FNTB: variants seen among roughly 807,000 people sequenced by gnomAD.
The protein encoded by FNTB is protein farnesyltransferase subunit beta.
Under a neutral mutation model 59.4 loss-of-function variants are expected in FNTB, and 27 were observed. The ratio of observed to expected loss-of-function variants is 0.45; its 90% CI spans 0.34 to 0.63. The LOEUF is 0.63. Ranked by LOEUF, FNTB falls within the 20% of genes least tolerant of loss-of-function variation. The pLI is 0.02. For synonymous variants in FNTB, 230 were observed against 220.7 expected (o/e 1.04, Z -0.37); for missense variants, 449 against 559.6 (o/e 0.80, Z 1.99).
chr14:65,056,257 C>A (rs1029561332), intron 11 of FNTB, among the ~76,000 whole-genome samples: 1 of 152,186 alleles, frequency 6.6e-6, no homozygotes, highest in African/African-American at 2.4e-5. Context: ...TTCATTTTAA[C>A]TATTATATGA....
chr14:65,023,871 C>T lies in FNTB; in HGVS notation c.375-3582C>T, dbSNP rs1192104939. Among the ~76,000 whole-genome samples the T allele has an allele frequency of 1.3e-5, 2 of 152,012 alleles. No individual in the cohort carries two copies. The highest frequency in any genetic ancestry group is 1.9e-4 in the East Asian group (1 of 5,186). On this transcript the variant is annotated intron_variant, in intron 4 of 11. Transcript: ENST00000246166. The surrounding 1 kb of genome is among the most constrained non-coding windows in gnomAD (Gnocchi z 4.1). The stretch of plus-strand genomic sequence containing the variant: ...ATCCTAGCACTTTGGGAGGCCAAGG[C>T]GGGCGGATTGTCTGAGCTCGGGAGT...
chr14:65,032,489 G>C lies in FNTB; in HGVS notation c.606-121G>C. 1 of 1,006,340 alleles carries C rather than the reference G, an allele frequency of 9.9e-7. No individual in the cohort carries two copies. The highest frequency in any genetic ancestry group is 1.4e-6 in the Non-Finnish European group (1 of 709,384). 62.3% of individuals were successfully genotyped at this position (1,006,340 alleles called of 1,614,324 possible). A position where few individuals can be genotyped will look rare whatever the true frequency, so the allele number is the denominator to read the frequency against. On this transcript the variant is annotated intron_variant, in intron 6 of 11. Transcript: ENST00000246166. The surrounding 1 kb of genome is among the most constrained non-coding windows in gnomAD (Gnocchi z 5.0). ...CCCAGGAGGACTGACCGTGTGCCAA[G>C]AGTGAGGACAGGAGGTGATTACAGC...
In FNTB at chr14:65,045,711, C is replaced by T. The variant is rs146382568; in HGVS notation, c.955+1268C>T. Among the ~76,000 whole-genome samples, 593 of 151,778 alleles carry T rather than the reference C, an allele frequency of 3.9e-3. 4 individuals are homozygous for T. The highest frequency in any genetic ancestry group is 0.021 in the South Asian group (102 of 4,804). On this transcript the variant is annotated intron_variant, in intron 9 of 11. Coordinates refer to ENST00000246166, the MANE Select transcript of FNTB (RefSeq NM_002028.4). The stretch of plus-strand genomic sequence containing the variant: ...GATTATAGGCGTGAGCCACCGCACC[C>T]GGCCCTGAGCCTCATTATTTAGTTT...
At chr14:65,052,374 A>C (rs1022228435) in intron 9 of FNTB, among the ~76,000 whole-genome samples, 2 of 152,204 alleles carry the variant, frequency 1.3e-5, no homozygotes, top group Admixed American at 1.3e-4. Flanking sequence ...ATTGTTGGGC[A>C]TCTTTTTTTT....
In FNTB at chr14:65,032,518, C is replaced by A; in HGVS notation, c.606-92C>A. On this transcript the variant is annotated intron_variant, in intron 6 of 11. Transcript: ENST00000246166. The surrounding 1 kb of genome is among the most constrained non-coding windows in gnomAD (Gnocchi z 5.0). ...GAGGACAGGAGGTGATTACAGCTTA[C>A]TAGGCAAGGCGAGCAGTCCGCCCGC... The A allele has an allele frequency of 1.4e-6, 2 of 1,412,116 alleles. No individual in the cohort carries two copies. Among genetic ancestry groups the A allele is most frequent in the Admixed American group, 2.1e-5 (1 of 48,400 alleles). 87.5% of individuals were successfully genotyped at this position (1,412,116 alleles called of 1,614,324 possible). A position where few individuals can be genotyped will look rare whatever the true frequency, so the allele number is the denominator to read the frequency against.
At chr14:65,024,081 G>A (rs1486097737) in intron 4 of FNTB, among the ~76,000 whole-genome samples, 2 of 149,960 alleles carry the variant, frequency 1.3e-5, no homozygotes, top group Non-Finnish European at 3.0e-5. Context: ...CAGCCTGGGC[G>A]ACAGAGGGAC....
chr14:65,006,173 TGCCA>T, intron 2 of FNTB: 1 of 1,598,434 alleles, frequency 6.3e-7, no homozygotes, highest in Non-Finnish European at 8.5e-7. Flanking sequence ...TTTTTTTTTT[TGCCA>T]CCATTTCCTT....
intron 1 of FNTB, among the ~76,000 whole-genome samples, chr14:64,998,372 G>T (rs1444294825): frequency 1.3e-5 from 2 of 152,192 alleles, no homozygotes; most frequent in African/African-American, 4.8e-5. Flanking sequence ...AGGAGGTAAA[G>T]GAAGACAAAG....
At chr14:64,993,878 A>G (rs574778796) in intron 1 of FNTB, among the ~76,000 whole-genome samples, 3 of 150,424 alleles carry the variant, frequency 2.0e-5, no homozygotes, top group South Asian at 4.2e-4. Context: ...TTTTTGAGAC[A>G]GAGTTTCGCT....
In FNTB at chr14:65,027,655, C is replaced by T. The variant is rs753941125; in HGVS notation, c.522-43C>T. ...TAGAGGAGTTCCCCGCCTGCTGACA[C>T]GCACTGACTGTTGCCTCTCCTACCT... On this transcript the variant is annotated intron_variant, in intron 5 of 11. Coordinates refer to ENST00000246166, the MANE Select transcript of FNTB (RefSeq NM_002028.4). The surrounding 1 kb of genome is among the most constrained non-coding windows in gnomAD (Gnocchi z 5.7). The T allele has an allele frequency of 8.1e-6, 13 of 1,614,016 alleles. No individual in the cohort carries two copies. The highest frequency in any genetic ancestry group is 1.1e-5 in the Non-Finnish European group (13 of 1,179,982).
rs1418874768 is a variant in FNTB at position 65,061,407 on chromosome 14, C to G, written c.*95C>G. On this transcript the variant is annotated 3_prime_UTR_variant, in exon 12 of 12. Coordinates refer to ENST00000246166, the MANE Select transcript of FNTB (RefSeq NM_002028.4). ...CATACTGCATTCTGTGCTACACAAG[C>G]CTTAGCCTCAGTGGAGCTGTGGTTC... 1 of 1,523,696 alleles carries G rather than the reference C, an allele frequency of 6.6e-7. No homozygotes were observed. The highest frequency in any genetic ancestry group is 8.8e-7 in the Non-Finnish European group (1 of 1,132,806). The allele number at this position is 1,523,696 out of a possible 1,614,324, so 94.4% of individuals were successfully genotyped here. A position where few individuals can be genotyped will look rare whatever the true frequency, so the allele number is the denominator to read the frequency against.
chr14:65,051,478 G>T lies in FNTB; in HGVS notation c.956-1760G>T, dbSNP rs991983387. Among the ~76,000 whole-genome samples the T allele has an allele frequency of 9.2e-5, 14 of 152,082 alleles. 1 individual carries two copies. The highest frequency in any genetic ancestry group is 6.8e-3 in the Middle Eastern group (2 of 294). On this transcript the variant is annotated intron_variant, in intron 9 of 11. Transcript: ENST00000246166. ...ATACAAGAATTAGCCAGGCATGGTG[G>T]TGCATGCCTGTAATCCCAGCTACTC...
chr14:64,990,833 ACGGTGG>A lies in FNTB; in HGVS notation c.144+3738_144+3743del, dbSNP rs1414354347. 2.6e-5 allele frequency among the ~76,000 whole-genome samples: 4 copies of A among 152,280 alleles called. No individual in the cohort carries two copies. In the East Asian group the frequency reaches 7.7e-4, roughly 29 times the overall value. On this transcript the variant is annotated intron_variant, in intron 1 of 11. Coordinates refer to ENST00000246166, the MANE Select transcript of FNTB (RefSeq NM_002028.4). The surrounding 1 kb of genome is among the most constrained non-coding windows in gnomAD (Gnocchi z 5.2). The stretch of plus-strand genomic sequence containing the variant: ...ATTGCAGTATCCTGGGAGAGAGGTG[ACGGTGG>A]CTTAGCTCACAGTGACGGTAGTGGA...
intron 11 of FNTB, among the ~76,000 whole-genome samples, chr14:65,057,667 T>C (rs2062768107): frequency 1.3e-5 from 2 of 152,240 alleles, no homozygotes; most frequent in Admixed American, 6.5e-5. Context: ...GTGTAACTTC[T>C]TCTAAATAGT....
intron 1 of FNTB, among the ~76,000 whole-genome samples, chr14:64,989,167 T>C (rs1888079517): frequency 6.6e-6 from 1 of 151,454 alleles, no homozygotes. Flanking sequence ...TAAAAACAAA[T>C]TGATGGCTGA....
Position 65,022,316 on chromosome 14 carries a change from A to C in FNTB, c.375-5137A>C, listed in dbSNP as rs542497679. On this transcript the variant is annotated intron_variant, in intron 4 of 11. Transcript: ENST00000246166. ...TTTTTTTAAACCTGCCCAATTGTGC[A>C]GAACATAGCTATAATTTTTATAACT... Among the ~76,000 whole-genome samples, 4 of 151,476 alleles carry C rather than the reference A, an allele frequency of 2.6e-5. No homozygotes were observed. In the East Asian group the frequency reaches 7.7e-4, roughly 29 times the overall value.
intron 4 of FNTB, among the ~76,000 whole-genome samples, chr14:65,026,900 G>A (rs1030289033): frequency 6.6e-6 from 1 of 152,208 alleles, no homozygotes; most frequent in Middle Eastern, 3.4e-3. Context: ...CTTCTTACTG[G>A]TGGAGTAGAA....
intron 2 of FNTB, among the ~76,000 whole-genome samples, chr14:65,010,224 C>T (rs1449719746): frequency 6.6e-6 from 1 of 152,220 alleles, no homozygotes; most frequent in Admixed American, 6.5e-5. Flanking sequence ...TGTAAACTCT[C>T]CTGTTTCTCT....
At chr14:65,034,103 G>A (rs1050473880) in intron 7 of FNTB, among the ~76,000 whole-genome samples, 1 of 152,084 alleles carries the variant, frequency 6.6e-6, no homozygotes, top group African/African-American at 2.4e-5. Flanking sequence ...CAAATTGTCT[G>A]TCAGAGCTAT....
Sources: allele counts gnomAD v4.1 joint callset (sites outside exome capture counted in the v4.1 genomes callset), GRCh38; gene constraint gnomAD v4.1.1; non-coding constraint Gnocchi (gnomAD v3.1); transcripts MANE v1.5; gene names NCBI Gene and HGNC (gene_info 2026-07-23, HGNC 2026-07-21).